SH3KBP1: variants seen among roughly 807,000 people sequenced by gnomAD.
SH3KBP1 encodes the protein SH3 domain-containing kinase-binding protein 1.
A neutral mutation model predicts 50.1 loss-of-function variants in SH3KBP1; 8 were observed. That is an observed-to-expected ratio of 0.16 (90% CI 0.09 to 0.29). SH3KBP1 has a LOEUF of 0.29. SH3KBP1 is among the 10% of genes least tolerant of loss of function. The pLI is 1.00. For missense variants in SH3KBP1, 377 were observed against 535.2 expected (o/e 0.70, Z 2.92); for synonymous variants, 227 against 218.6 (o/e 1.04, Z -0.34).
chrX:19,542,148 C>A lies in SH3KBP1; in HGVS notation c.1669G>T (p.Ala557Ser). The A allele has an allele frequency of 1.7e-6, 2 of 1,196,380 alleles. No homozygotes were observed. Among genetic ancestry groups the A allele is most frequent in the Non-Finnish European group, 2.3e-6 (2 of 886,703 alleles). The change falls in exon 16 of 18, where the codon GCA (alanine) becomes TCA (serine). Residue 557 changes from alanine (A) to serine (S), a missense_variant. Ala to Ser is a moderately conservative substitution (Grantham distance 99, BLOSUM62 1). This residue lies in a region of SH3KBP1 where 110 missense variants were observed against 124.1 expected (regional missense o/e 0.89). Transcript: ENST00000397821. The stretch of plus-strand genomic sequence containing the variant: ...GGGGCTGGCCCACCGCCACCTGCTG[C>A]CATGGTCCCCGGCTTGGGCGGCAGG... Reference protein sequence around the residue: ...ASLPPKPGTMAAGGGGPAPLS... With the variant: ...ASLPPKPGTMSAGGGGPAPLS...
rs779808039 is a variant in SH3KBP1, at chrX:19,599,996, G to A, written c.1006-4996C>T. On this transcript the variant is annotated intron_variant, in intron 9 of 17. Coordinates refer to ENST00000397821, the MANE Select transcript of SH3KBP1 (RefSeq NM_031892.3). ...TAAAAATACAAAAAATTAGCCGGGC[G>A]CGGTGGCAGACACCTGTAGTCCCAG... Among the ~76,000 whole-genome samples, 269 of 107,837 alleles carry A rather than the reference G, an allele frequency of 2.5e-3. 2 individuals carry two copies. The highest frequency in any genetic ancestry group is 7.8e-3 in the South Asian group (19 of 2,433). 93.6% of individuals were successfully genotyped at this position (107,837 alleles called of 115,157 possible).
chrX:19,785,689 A>G (rs373212879), intron 2 of SH3KBP1, among the ~76,000 whole-genome samples: 20 of 112,215 alleles, frequency 1.8e-4, no homozygotes, highest in Middle Eastern at 4.6e-3. Flanking sequence ...GTATCTATCA[A>G]TGACTGAATG....
chrX:19,686,127 A>G lies in SH3KBP1; in HGVS notation c.521-2099T>C, dbSNP rs149132544. 7.9e-3 allele frequency among the ~76,000 whole-genome samples: 879 copies of G among 111,651 alleles called. 11 individuals carry two copies. The highest frequency in any genetic ancestry group is 0.027 in the African/African-American group (837 of 30,691). On this transcript the variant is annotated intron_variant, in intron 5 of 17. Transcript: ENST00000397821. ...TGCACAGTCATTCAACCACACAAGCATGGCCCGGGAAGGAAACACACAGCA... is the reference window on the plus strand; with the variant it reads ...TGCACAGTCATTCAACCACACAAGCGTGGCCCGGGAAGGAAACACACAGCA...
At chrX:19,539,571 A>C (rs2064822399) in intron 16 of SH3KBP1, among the ~76,000 whole-genome samples, 1 of 112,293 alleles carries the variant, frequency 8.9e-6, no homozygotes, top group Non-Finnish European at 1.9e-5. Context: ...TGGGGAAAGC[A>C]GTCCAAAGAA....
chrX:19,633,086 G>A (rs1325232371), intron 7 of SH3KBP1, among the ~76,000 whole-genome samples: 1 of 111,671 alleles, frequency 9.0e-6, no homozygotes, highest in Admixed American at 9.5e-5. Flanking sequence ...AACAACCAGA[G>A]ATTGTGACAT....
chrX:19,650,843 T>A (rs770176787), intron 6 of SH3KBP1, among the ~76,000 whole-genome samples: 22 of 111,517 alleles, frequency 2.0e-4, no homozygotes, highest in Non-Finnish European at 3.8e-4. Flanking sequence ...TTCTCCAGAA[T>A]GGTGTGCTGA....
At chrX:19,628,988 T>C (rs1336568725) in intron 8 of SH3KBP1, among the ~76,000 whole-genome samples, 2 of 111,479 alleles carry the variant, frequency 1.8e-5, no homozygotes, top group Non-Finnish European at 3.8e-5. Flanking sequence ...ACACCTGTAA[T>C]CCCAGCTACT....
At chrX:19,843,219 C>T (rs2068276413) in intron 1 of SH3KBP1, among the ~76,000 whole-genome samples, 1 of 108,775 alleles carries the variant, frequency 9.2e-6, no homozygotes, top group South Asian at 4.0e-4. Context: ...GGGGTTTCAC[C>T]ATGTTGGTCA....
At chrX:19,835,867 G>A (rs755675482) in intron 2 of SH3KBP1, among the ~76,000 whole-genome samples, 1 of 111,171 alleles carries the variant, frequency 9.0e-6, no homozygotes, top group Non-Finnish European at 1.9e-5. Context: ...TTACAGGCAT[G>A]AGCCACTGCA....
At chrX:19,843,679 C>T (rs2068286894) in intron 1 of SH3KBP1, among the ~76,000 whole-genome samples, 1 of 111,593 alleles carries the variant, frequency 9.0e-6, no homozygotes, top group Admixed American at 9.5e-5. Flanking sequence ...TCTCCCTGGG[C>T]AGGAGGCAGC....
chrX:19,720,600 T>C (rs1442931854), intron 3 of SH3KBP1, among the ~76,000 whole-genome samples: 1 of 112,068 alleles, frequency 8.9e-6, no homozygotes, highest in Admixed American at 9.5e-5. Flanking sequence ...TAAACAAGAT[T>C]TCTCCTTTCT....
chrX:19,837,371 ATTAACCAATCCAAAAATTAG>A (rs2068087296), intron 1 of SH3KBP1, among the ~76,000 whole-genome samples: 1 of 111,946 alleles, frequency 8.9e-6, no homozygotes, highest in Non-Finnish European at 1.9e-5. Context: ...AATTAGCAGC[ATTAACCAATCCAAAAATTAG>A]TTAACTTATG....
intron 3 of SH3KBP1, 28 bp from the exon 4 acceptor site, chrX:19,707,012 G>T (rs1261965567): frequency 1.2e-5 from 13 of 1,108,608 alleles, no homozygotes; most frequent in Non-Finnish European, 1.6e-5. Flanking sequence ...AATATTTAGA[G>T]ACAGCTCTTC....
intron 6 of SH3KBP1, 135 bp downstream of exon 6, chrX:19,683,688 G>A (rs1266445239): frequency 1.8e-6 from 1 of 548,260 alleles, no homozygotes; most frequent in Non-Finnish European, 3.0e-6. Context: ...TAAAAAAGAA[G>A]ACAGGACAAA....
At chrX:19,873,864 C>T (rs1304174848) in intron 1 of SH3KBP1, among the ~76,000 whole-genome samples, 3 of 104,341 alleles carry the variant, frequency 2.9e-5, no homozygotes, top group Admixed American at 1.0e-4. Context: ...GCCTGGATAA[C>T]ACAATGAAAC....
At chrX:19,565,592 C>A (rs973915070) in intron 13 of SH3KBP1, among the ~76,000 whole-genome samples, 1 of 111,254 alleles carries the variant, frequency 9.0e-6, no homozygotes, top group Non-Finnish European at 1.9e-5. Context: ...AACCTCAGGA[C>A]GATGGAAGAG....
chrX:19,599,594 G>A (rs1211827837), intron 9 of SH3KBP1, among the ~76,000 whole-genome samples: 1 of 112,250 alleles, frequency 8.9e-6, no homozygotes, highest in African/African-American at 3.2e-5. Flanking sequence ...ATGCTGGCCA[G>A]GTGCCTGCTT....
At chrX:19,569,288 G>T (rs755094401) in intron 12 of SH3KBP1, 100 bp from the exon 13 acceptor site, 35 of 747,313 alleles carry the variant, frequency 4.7e-5, no homozygotes, top group African/African-American at 8.3e-5. Context: ...TGCTGGTGTG[G>T]AGTGGATGGC....
intron 2 of SH3KBP1, among the ~76,000 whole-genome samples, chrX:19,753,553 C>T (rs1603197384): frequency 9.0e-6 from 1 of 110,560 alleles, no homozygotes; most frequent in African/African-American, 3.3e-5. Context: ...ATGTTCCCTT[C>T]GTGCAGAGAC....
Sources: gnomAD v4.1 joint callset for allele counts (sites outside exome capture counted in the v4.1 genomes callset) on GRCh38, gnomAD v4.1.1 for gene constraint, gnomAD v4.1.1 regional missense constraint, MANE v1.5 for transcripts, NCBI Gene and HGNC (gene_info 2026-07-23, HGNC 2026-07-21) for gene names.